The following CFH variants were observed in gnomAD, a reference collection of about 807,000 sequenced individuals.
The protein encoded by CFH is H factor 1 (complement).
Under a neutral mutation model 147.3 loss-of-function variants are expected in CFH, and 53 were observed. The ratio of observed to expected loss-of-function variants is 0.36; its 90% CI spans 0.29 to 0.45. CFH has a LOEUF of 0.45. Among genes scored for constraint, CFH ranks in the 20% least tolerant of loss-of-function variants. CFH has a pLI of 1.00. For synonymous variants in CFH, 536 were observed against 489.4 expected, an observed-to-expected ratio of 1.10 and a Z score of -1.26; for missense variants, 1,380 against 1,498.0, an observed-to-expected ratio of 0.92 and a Z score of 1.30.
chr1:196,665,360 A>T (rs1366978965), intron 1 of CFH, among the ~76,000 whole-genome samples: 1 of 150,576 alleles, frequency 6.6e-6, no homozygotes, highest in Non-Finnish European at 1.5e-5. Flanking sequence ...TTTAATAAAT[A>T]TATTTATAAA....
chr1:196,665,453 A>G (rs1667049686), intron 1 of CFH, among the ~76,000 whole-genome samples: 5 of 151,650 alleles, frequency 3.3e-5, no homozygotes, highest in South Asian at 4.1e-4. Flanking sequence ...TAATTAAAAA[A>G]TTATAAAAGA....
rs915896170 is a variant in CFH, at chr1:196,726,564, A to C, written c.1968A>C (p.Glu656Asp). Residue 656 changes from glutamate (E) to aspartate (D), a missense_variant, in exon 13 of 22, where the codon GAA becomes GAC. By Grantham distance (45) the Glu-to-Asp change is conservative (BLOSUM62 2). Coordinates refer to ENST00000367429, the MANE Select transcript of CFH (RefSeq NM_000186.4). Reference sequence around the variant, plus strand: ...AATATGGACACAGTGAAGTGGTGGAATATTATTGCAATCCTAGATTTCTAA... The same window carrying C: ...AATATGGACACAGTGAAGTGGTGGACTATTATTGCAATCCTAGATTTCTAA... ...KEEYGHSEVV[E>D]YYCNPRFLMK... The C allele has an allele frequency of 5.0e-6, 8 of 1,612,696 alleles. No homozygotes were observed. The highest frequency in any genetic ancestry group is 6.8e-6 in the Non-Finnish European group (8 of 1,178,816).
intron 9 of CFH, 133 bp from the exon 10 acceptor site, chr1:196,713,602 A>G (rs1449246245): frequency 3.3e-6 from 2 of 612,320 alleles, no homozygotes; most frequent in African/African-American, 3.7e-5. Flanking sequence ...TGACTTAAGT[A>G]TTTGAATGCT....
chr1:196,683,918 T>C (rs1047664793), intron 6 of CFH, among the ~76,000 whole-genome samples: 1 of 151,716 alleles, frequency 6.6e-6, no homozygotes, highest in Non-Finnish European at 1.5e-5. Context: ...AGTAAATAAA[T>C]TGGGGGTATA....
In CFH at chr1:196,725,281, C is replaced by T. The variant is rs775025777; in HGVS notation, c.1857C>T (p.Asp619=). 1.2e-6 allele frequency: 2 copies of T among 1,613,712 alleles called. No homozygotes were observed. The highest frequency in any genetic ancestry group is 3.3e-5 in the Admixed American group (2 of 60,010). The change falls in exon 12 of 22, where the codon GAC becomes GAT. Residue 619 remains aspartate (D), a synonymous_variant. Coordinates refer to ENST00000367429, the MANE Select transcript of CFH (RefSeq NM_000186.4). ...VQCYHFGLSP[D]LPICKEQVQS... ...GCTACCACTTTGGATTGTCTCCTGACCTCCCAATATGTAAAGGTGAATGCT... is the reference window on the plus strand; with the variant it reads ...GCTACCACTTTGGATTGTCTCCTGATCTCCCAATATGTAAAGGTGAATGCT...
intron 5 of CFH, chr1:196,679,301 C>A: frequency 5.3e-6 from 1 of 190,012 alleles, no homozygotes; most frequent in South Asian, 9.8e-5. Context: ...TTATTTTTTG[C>A]AGGTCATTCA....
intron 1 of CFH, among the ~76,000 whole-genome samples, chr1:196,669,463 C>T (rs777828211): frequency 6.6e-6 from 1 of 152,132 alleles, no homozygotes; most frequent in South Asian, 2.1e-4. Flanking sequence ...GCCTGGGCCC[C>T]ACTGCTGTAT....
At chr1:196,663,655 C>T (rs960374148) in intron 1 of CFH, among the ~76,000 whole-genome samples, 8 of 152,110 alleles carry the variant, frequency 5.3e-5, no homozygotes, top group African/African-American at 1.4e-4. Context: ...AAATCTTCCT[C>T]ATATTAAAGT....
intron 1 of CFH, among the ~76,000 whole-genome samples, chr1:196,668,105 T>C (rs1035677429): frequency 6.6e-6 from 1 of 152,142 alleles, no homozygotes; most frequent in Non-Finnish European, 1.5e-5. Flanking sequence ...ATAGGGTTTA[T>C]CATGTTTCAA....
chr1:196,716,640 G>T (rs1668876075), intron 11 of CFH, among the ~76,000 whole-genome samples: 1 of 152,032 alleles, frequency 6.6e-6, no homozygotes, highest in Non-Finnish European at 1.5e-5. Flanking sequence ...GCAGAAGGCT[G>T]ATTTGGAAAA....
intron 21 of CFH, among the ~76,000 whole-genome samples, chr1:196,746,724 A>G (rs1653021796): frequency 6.6e-6 from 1 of 152,192 alleles, no homozygotes. Context: ...ATACAATATT[A>G]TTAGCTCTAA....
intron 1 of CFH, among the ~76,000 whole-genome samples, chr1:196,656,616 CTCAT>C: frequency 6.6e-6 from 1 of 151,152 alleles, no homozygotes; most frequent in South Asian, 2.1e-4. Flanking sequence ...TGTTCTTTCG[CTCAT>C]TCATTTTTCC....
chr1:196,715,022 C>T (rs1668834464), intron 10 of CFH, among the ~76,000 whole-genome samples: 1 of 151,910 alleles, frequency 6.6e-6, no homozygotes, highest in East Asian at 1.9e-4. Flanking sequence ...TTCATGTATA[C>T]TGTTTTCATT....
intron 15 of CFH, among the ~76,000 whole-genome samples, chr1:196,731,271 T>C (rs1041231529): frequency 4.6e-5 from 7 of 151,914 alleles, no homozygotes; most frequent in African/African-American, 1.7e-4. Context: ...TAGGCTTGCA[T>C]AGCATACCTT....
intron 1 of CFH, among the ~76,000 whole-genome samples, chr1:196,664,354 G>A (rs962265350): frequency 1.3e-5 from 2 of 152,168 alleles, no homozygotes; most frequent in African/African-American, 2.4e-5. Context: ...GAGCCACCAT[G>A]GCTGGCCACC....
At chr1:196,718,718 C>T (rs1342142639) in intron 11 of CFH, among the ~76,000 whole-genome samples, 1 of 152,046 alleles carries the variant, frequency 6.6e-6, no homozygotes, top group Non-Finnish European at 1.5e-5. Flanking sequence ...CTTCAGTAGT[C>T]TTTCCAATCA....
intron 6 of CFH, among the ~76,000 whole-genome samples, chr1:196,682,580 T>C (rs1346146065): frequency 6.6e-6 from 1 of 151,498 alleles, no homozygotes; most frequent in African/African-American, 2.4e-5. Flanking sequence ...GGTATTAAAT[T>C]GAGCTATATC....
chr1:196,670,116 T>G (rs1305665715), intron 1 of CFH, among the ~76,000 whole-genome samples: 1 of 152,192 alleles, frequency 6.6e-6, no homozygotes, highest in Non-Finnish European at 1.5e-5. Context: ...TTCATCCCAT[T>G]TGGGATGGGA....
intron 15 of CFH, among the ~76,000 whole-genome samples, chr1:196,732,295 C>T (rs924879160): frequency 6.6e-6 from 1 of 151,628 alleles, no homozygotes; most frequent in African/African-American, 2.4e-5. Flanking sequence ...TAAAACTTTT[C>T]CGTTCAGTTA....
Sources: gnomAD v4.1 joint callset for allele counts (sites outside exome capture counted in the v4.1 genomes callset) on GRCh38, gnomAD v4.1.1 for gene constraint, MANE v1.5 for transcripts, NCBI Gene and HGNC (gene_info 2026-07-23, HGNC 2026-07-21) for gene names.